Variants in SMUG1 observed in about 807,000 individuals in gnomAD.
The protein encoded by SMUG1 is single-strand selective monofunctional uracil DNA glycosylase.
A neutral mutation model predicts 23.9 loss-of-function variants in SMUG1; 13 were observed. The observed-to-expected ratio is 0.54, with a 90% CI of 0.35 to 0.86. The LOEUF (loss-of-function observed/expected upper bound fraction) is 0.86. SMUG1 is among the 40% of genes least tolerant of loss of function. The pLI, the probability that SMUG1 is intolerant of heterozygous loss-of-function variation, is 0.01. For missense variants in SMUG1, 313 were observed against 339.5 expected (o/e 0.92, Z 0.61); for synonymous variants, 133 against 139.8 (o/e 0.95, Z 0.34).
intron 2 of SMUG1, chr12:54,173,084 G>A (rs560854920): frequency 6.5e-6 from 1 of 153,460 alleles, no homozygotes; most frequent in East Asian, 1.9e-4. Flanking sequence ...CGGGAGCAAA[G>A]ACAGCCAGAA....
chr12:54,161,421 A>C (rs1308297308), downstream of SMUG1, among the ~76,000 whole-genome samples: 1 of 152,106 alleles, frequency 6.6e-6, no homozygotes, highest in Non-Finnish European at 1.5e-5. This position sits in a 1 kb window ranked among gnomAD's most constrained non-coding sequence, Gnocchi z 4.2. Flanking sequence ...GGTCCCAGTG[A>C]ACTTGGGCCT....
chr12:54,169,016 T>C (rs898884938), intron 3 of SMUG1, among the ~76,000 whole-genome samples: 12 of 152,132 alleles, frequency 7.9e-5, no homozygotes, highest in African/African-American at 2.9e-4. Flanking sequence ...GCTAGCACAA[T>C]GGCCCCCACC....
At chr12:54,158,712 C>T (rs1277240813) in intron 4 of SMUG1, among the ~76,000 whole-genome samples, 2 of 152,170 alleles carry the variant, frequency 1.3e-5, no homozygotes, top group African/African-American at 4.8e-5. Context: ...TCACCCAACC[C>T]ACCGCTCCAA....
intron 2 of SMUG1, among the ~76,000 whole-genome samples, chr12:54,174,329 G>C (rs370724103): frequency 6.6e-6 from 1 of 152,208 alleles, no homozygotes; most frequent in Non-Finnish European, 1.5e-5. Context: ...GAGGTTCTGA[G>C]AGGGAGCTAT....
intron 1 of SMUG1, among the ~76,000 whole-genome samples, chr12:54,188,154 C>T (rs1942886641): frequency 6.6e-6 from 1 of 151,888 alleles, no homozygotes; most frequent in Admixed American, 6.6e-5. Context: ...TGATGTCAGA[C>T]TTCTCTGACA....
chr12:54,183,925 G>C lies in SMUG1; in HGVS notation c.16C>G (p.Leu6Val). ...GCAGGCTCATGGATGGACCCCAGCA[G>C]GAAAGCCTGGGGCATATGTCCATGC... MPQAF[L>V]LGSIHEPAGA... The change falls in exon 3 of 4, where the codon CTG becomes GTG. Residue 6 changes from leucine to valine, a missense_variant. Transcript: ENST00000682136. The C allele has an allele frequency of 6.4e-7, 1 of 1,574,452 alleles. No individual in the cohort carries two copies. The highest frequency in any genetic ancestry group is 1.2e-5 in the South Asian group (1 of 86,576).
chr12:54,169,720 G>A (rs1393198353), intron 3 of SMUG1, among the ~76,000 whole-genome samples: 1 of 152,180 alleles, frequency 6.6e-6, no homozygotes, highest in East Asian at 1.9e-4. Context: ...TGTTTCCACT[G>A]GGCACCTTAG....
chr12:54,182,301 TG>T lies in SMUG1; in HGVS notation c.607del (p.Gln203SerfsTer26). On this transcript the variant is annotated frameshift_variant, in exon 4 of 4. Transcript: ENST00000682136. LOFTEE classifies it high-confidence loss of function. ...CACCACCAGCCGCACCCCCAGCAGC[TG>T]CACCTGCCGGCAGAGGGCTGCATCA... is the stretch of plus-strand genomic sequence containing the variant. ...ICDAALCRQVQLLGVRLVVGV... is the reference protein window; with the variant it reads ...ICDAALCRQVXLLGVRLVVGV... The T allele has an allele frequency of 1.2e-6, 2 of 1,613,438 alleles. No individual in the cohort carries two copies. Among genetic ancestry groups the T allele is most frequent in the Non-Finnish European group, 1.7e-6 (2 of 1,179,634 alleles).
At chr12:54,158,938 GC>G (rs1193093337) in intron 4 of SMUG1, among the ~76,000 whole-genome samples, 1 of 152,112 alleles carries the variant, frequency 6.6e-6, no homozygotes, top group Admixed American at 6.5e-5. Flanking sequence ...CCTGAATCTT[GC>G]CCTCTGTGGG....
At chr12:54,160,187 AAAGAG>A (rs1452844285), downstream of SMUG1, among the ~76,000 whole-genome samples, 1 of 152,222 alleles carries the variant, frequency 6.6e-6, no homozygotes, top group Non-Finnish European at 1.5e-5. Flanking sequence ...AAGAAAGAGA[AAAGAG>A]GAGGGGTGGC....
intron 2 of SMUG1, chr12:54,172,183 T>A (rs1940637813): frequency 4.7e-6 from 2 of 430,024 alleles, no homozygotes; most frequent in Non-Finnish European, 9.8e-6. Context: ...TTACTCGGAG[T>A]GTGAGTTTTA....
intron 2 of SMUG1, chr12:54,172,382 A>G (rs1476700457): frequency 1.2e-5 from 3 of 260,720 alleles, no homozygotes; most frequent in African/African-American, 6.6e-5. Flanking sequence ...TTACCCGGAA[A>G]TCTGTATGCC....
chr12:54,180,148 T>G (rs1254118986), downstream of SMUG1, among the ~76,000 whole-genome samples: 4 of 152,232 alleles, frequency 2.6e-5, no homozygotes, highest in Non-Finnish European at 5.9e-5. Context: ...CCTGTAACTA[T>G]ATGGTTGGTC....
chr12:54,182,116 G>C lies in SMUG1; in HGVS notation c.793C>G (p.Leu265Val), dbSNP rs1941196042. ...AKERLNELGL[L>V]PLLLK ...GGCACTCATTTCAACAGCAGTGGCA[G>C]CAGCCCCAGCTCATTCAATCTTTCC... The change falls in exon 4 of 4, where the codon CTG (leucine) becomes GTG (valine). Residue 265 changes from leucine (L) to valine (V), a missense_variant. Transcript: ENST00000682136. 1 of 1,544,700 alleles carries C rather than the reference G, an allele frequency of 6.5e-7. No individual in the cohort carries two copies. The highest frequency in any genetic ancestry group is 1.4e-5 in the African/African-American group (1 of 72,880).
In SMUG1 at chr12:54,181,611, C is replaced by T. The variant is rs1941089199; in HGVS notation, c.*485G>A. 2 of 1,583,184 alleles carry T rather than the reference C, an allele frequency of 1.3e-6. No homozygotes were observed. Among genetic ancestry groups the T allele is most frequent in the Admixed American group, 3.5e-5 (2 of 57,742 alleles). Reference sequence around the variant, plus strand: ...CAGCTGCAGCCTCCCATAAGAAGTTCACTCTTAATTTCATGTCCCATGCTT... The same window carrying T: ...CAGCTGCAGCCTCCCATAAGAAGTTTACTCTTAATTTCATGTCCCATGCTT... On this transcript the variant is annotated 3_prime_UTR_variant, in exon 4 of 4. Coordinates refer to ENST00000682136, the MANE Select transcript of SMUG1 (RefSeq NM_001243787.2).
rs1565826357 is a variant in SMUG1, at chr12:54,183,964, GAA to G, written c.-19-7_-19-6del. 1.7e-5 allele frequency: 25 copies of G among 1,496,166 alleles called. No individual in the cohort carries two copies. Among genetic ancestry groups the G allele is most frequent in the Admixed American group, 4.6e-5 (2 of 43,744 alleles). The allele number at this position is 1,496,166 out of a possible 1,614,324, so 92.7% of individuals were successfully genotyped here. On this transcript the variant is annotated splice_polypyrimidine_tract_variant and splice_region_variant and intron_variant, in intron 2 of 3. Coordinates refer to ENST00000682136, the MANE Select transcript of SMUG1 (RefSeq NM_001243787.2). Reference sequence around the variant, plus strand: ...ATATGTCCATGCCGCTGTCACCTGGGAAAAGAGATGGACAGAAGCCCCATCAA... The same window carrying G: ...ATATGTCCATGCCGCTGTCACCTGGGAAGAGATGGACAGAAGCCCCATCAA...
intron 2 of SMUG1, among the ~76,000 whole-genome samples, chr12:54,173,490 T>A (rs1316732395): frequency 6.6e-6 from 1 of 151,666 alleles, no homozygotes; most frequent in Non-Finnish European, 1.5e-5. Context: ...AGCTGGCTCG[T>A]AAAAGCCGCG....
At position 54,182,113 on chromosome 12, in the gene SMUG1, G is replaced by T. The variant is rs769618051; in HGVS notation, c.796C>A (p.Pro266Thr). 1 of 1,542,280 alleles carries T rather than the reference G, an allele frequency of 6.5e-7. No homozygotes were observed. Among genetic ancestry groups the T allele is most frequent in the East Asian group, 2.3e-5 (1 of 44,224 alleles). Residue 266 changes from proline (P) to threonine (T), a missense_variant, in exon 4 of 4, where the codon CCA becomes ACA. Coordinates refer to ENST00000682136, the MANE Select transcript of SMUG1 (RefSeq NM_001243787.2). Reference sequence around the variant, plus strand: ...AAGGGCACTCATTTCAACAGCAGTGGCAGCAGCCCCAGCTCATTCAATCTT... The same window carrying T: ...AAGGGCACTCATTTCAACAGCAGTGTCAGCAGCCCCAGCTCATTCAATCTT... ...KERLNELGLL[P>T]LLLK is the part of the protein sequence containing the mutation.
intron 3 of SMUG1, among the ~76,000 whole-genome samples, chr12:54,166,736 G>GA (rs1372612896): frequency 1.3e-5 from 2 of 152,146 alleles, no homozygotes; most frequent in African/African-American, 2.4e-5. Flanking sequence ...TGGCCTGCTG[G>GA]AGGAATGAGT....
Sources: allele counts gnomAD v4.1 joint callset (sites outside exome capture counted in the v4.1 genomes callset), GRCh38; gene constraint gnomAD v4.1.1; non-coding constraint Gnocchi (gnomAD v3.1); transcripts MANE v1.5; gene names NCBI Gene and HGNC (gene_info 2026-07-23, HGNC 2026-07-21).